The following PDE6B variants were observed in gnomAD, a reference collection of about 807,000 sequenced individuals.
PDE6B encodes phosphodiesterase 6B, also known as rod cGMP-specific 3',5'-cyclic phosphodiesterase subunit beta.
A neutral mutation model predicts 109.0 loss-of-function variants in PDE6B; 106 were observed. The ratio of observed to expected loss-of-function variants is 0.97; its 90% CI spans 0.83 to 1.14. PDE6B has a LOEUF of 1.14. PDE6B is among the 50% of genes most tolerant of loss of function. The pLI is 0.00. For missense variants in PDE6B, 1,193 were observed against 1,155.6 expected (o/e 1.03, Z -0.47); for synonymous variants, 490 against 471.3 (o/e 1.04, Z -0.51).
chr4:650,359 C>T (rs973614822), intron 3 of PDE6B, among the ~76,000 whole-genome samples: 9 of 152,242 alleles, frequency 5.9e-5, no homozygotes, highest in Non-Finnish European at 1.3e-4. Flanking sequence ...TCCGGCCCCC[C>T]CTGTCCCCAC....
Position 639,001 on chromosome 4 carries a change from T to G in PDE6B, c.711+3032T>G, listed in dbSNP as rs535654523. On this transcript the variant is annotated intron_variant, in intron 3 of 21. Transcript: ENST00000496514. ...TCCCTCCAGGGTCCCAGGGAAAAGC[T>G]GGCCTGGGGTAGCTCCTAGCTCTTC... Among the ~76,000 whole-genome samples the G allele has an allele frequency of 3.3e-5, 5 of 152,324 alleles. No homozygotes were observed. In the South Asian group the frequency reaches 6.2e-4, roughly 19 times the overall value.
In PDE6B at chr4:626,214, T is replaced by A; in HGVS notation, c.468+120T>A. 1 of 689,202 alleles carries A rather than the reference T, an allele frequency of 1.5e-6. No individual in the cohort carries two copies. The highest frequency in any genetic ancestry group is 2.6e-6 in the Non-Finnish European group (1 of 389,258). 42.7% of individuals were successfully genotyped at this position (689,202 alleles called of 1,614,324 possible). On this transcript the variant is annotated intron_variant, in intron 1 of 21. Transcript: ENST00000496514. The surrounding 1 kb of genome is among the most constrained non-coding windows in gnomAD (Gnocchi z 4.6). ...GGAGGCCTCTTGTCAGGGCACAGGC[T>A]AGTTCTGTGCTGAGGAGCAAGTACC...
chr4:637,693 G>A (rs559231179), intron 3 of PDE6B, among the ~76,000 whole-genome samples: 4 of 152,314 alleles, frequency 2.6e-5, no homozygotes, highest in African/African-American at 7.2e-5. Flanking sequence ...AGGCCCTCTC[G>A]TCCGGCACAG....
intron 3 of PDE6B, 88 bp from the exon 4 acceptor site, chr4:653,764 C>T: frequency 6.9e-7 from 1 of 1,440,978 alleles, no homozygotes; most frequent in Non-Finnish European, 9.7e-7. Context: ...GCACCTGTGT[C>T]AGGCTTGAGT....
intron 16 of PDE6B, 111 bp from the exon 17 acceptor site, chr4:664,003 C>A: frequency 8.9e-7 from 1 of 1,127,784 alleles, no homozygotes; most frequent in Non-Finnish European, 1.3e-6. Flanking sequence ...GCCGGCCCCG[C>A]GCACCCCGGA....
At chr4:667,107 T>A (rs141012587) in intron 20 of PDE6B, among the ~76,000 whole-genome samples, 77 of 152,314 alleles carry the variant, frequency 5.1e-4, no homozygotes, top group African/African-American at 1.7e-3. Flanking sequence ...CGATGCCAGC[T>A]GAGTCTCTGA....
chr4:669,364 A>C (rs1354934763), intron 21 of PDE6B, among the ~76,000 whole-genome samples: 1 of 60,996 alleles, frequency 1.6e-5, no homozygotes, highest in Non-Finnish European at 3.0e-5. Flanking sequence ...TATTCCCACT[A>C]CCCCATGCTA....
chr4:663,635 TA>T lies in PDE6B; in HGVS notation c.1921-134del, dbSNP rs1280044378. 11 of 712,750 alleles carry T rather than the reference TA, an allele frequency of 1.5e-5. No individual in the cohort carries two copies. The highest frequency in any genetic ancestry group is 6.1e-5 in the Admixed American group (3 of 49,120). 44.2% of individuals were successfully genotyped at this position (712,750 alleles called of 1,614,324 possible). On this transcript the variant is annotated intron_variant, in intron 15 of 21. Transcript: ENST00000496514. This position sits in a 1 kb window ranked among gnomAD's most constrained non-coding sequence, Gnocchi z 4.0. Reference sequence around the variant, plus strand: ...GGAGGGCCCTGAGCAGCAGGCGGATTAGGGGTCCCGCCCACCGAGGGCCCGA... The same window carrying T: ...GGAGGGCCCTGAGCAGCAGGCGGATTGGGGTCCCGCCCACCGAGGGCCCGA...
At chr4:629,986 A>G (rs1433938293) in intron 1 of PDE6B, among the ~76,000 whole-genome samples, 1 of 151,998 alleles carries the variant, frequency 6.6e-6, no homozygotes, top group Non-Finnish European at 1.5e-5. Flanking sequence ...GGCATGTCTG[A>G]CCAGGAGCCT....
At chr4:653,664 C>A in intron 3 of PDE6B, 188 bp from the exon 4 acceptor site, 1 of 695,838 alleles carries the variant, frequency 1.4e-6, no homozygotes, top group Non-Finnish European at 2.5e-6. Context: ...GCTCCCGGGC[C>A]CCACAAGCTC....
At chr4:647,846 G>A (rs550387042) in intron 3 of PDE6B, among the ~76,000 whole-genome samples, 8 of 152,154 alleles carry the variant, frequency 5.3e-5, no homozygotes, top group African/African-American at 1.2e-4. Context: ...GCTGAGGCGC[G>A]CAGATCACCT....
chr4:644,052 G>A (rs1427461825), intron 3 of PDE6B, among the ~76,000 whole-genome samples: 1 of 150,346 alleles, frequency 6.7e-6, no homozygotes, highest in Non-Finnish European at 1.5e-5. Flanking sequence ...CCGAGTAGCT[G>A]GAACTACAGA....
In PDE6B at chr4:666,727, G is replaced by T. The variant is rs2109278291; in HGVS notation, c.2352+113G>T. 1.3e-6 allele frequency: 1 copy of T among 743,034 alleles called. No individual in the cohort carries two copies. The highest frequency in any genetic ancestry group is 1.4e-5 in the South Asian group (1 of 70,134). The allele number at this position is 743,034 out of a possible 1,614,324, so 46.0% of individuals were successfully genotyped here. A position where few individuals can be genotyped will look rare whatever the true frequency, so the allele number is the denominator to read the frequency against. ...CACGGGCCCGGCGGTGTCCTCACTG[G>T]AGTAGGGATGCCAGTGCCAGCTTCG... is the stretch of plus-strand genomic sequence containing the variant. On this transcript the variant is annotated intron_variant, in intron 20 of 21. Transcript: ENST00000496514. The surrounding 1 kb of genome is among the most constrained non-coding windows in gnomAD (Gnocchi z 5.6).
chr4:643,007 T>C (rs1048654185), intron 3 of PDE6B, among the ~76,000 whole-genome samples: 2 of 152,104 alleles, frequency 1.3e-5, no homozygotes, highest in African/African-American at 4.8e-5. Flanking sequence ...CCATGTTTTG[T>C]TAAGAATTTT....
chr4:650,861 G>A (rs562279344), intron 3 of PDE6B, among the ~76,000 whole-genome samples: 5 of 152,340 alleles, frequency 3.3e-5, no homozygotes, highest in East Asian at 3.9e-4. Context: ...CCCGCCACAC[G>A]CTGAAGACGC....
chr4:629,401 G>A (rs1052240214), intron 1 of PDE6B, among the ~76,000 whole-genome samples: 5 of 152,224 alleles, frequency 3.3e-5, no homozygotes, highest in African/African-American at 9.6e-5. Context: ...ACCAAGTGGC[G>A]GGGCAGGACT....
chr4:629,736 G>A (rs1734290210), intron 1 of PDE6B, among the ~76,000 whole-genome samples: 2 of 152,240 alleles, frequency 1.3e-5, no homozygotes, highest in African/African-American at 4.8e-5. Flanking sequence ...ATAGAGGGAG[G>A]AGGGTGGCAG....
rs1006382189 is a variant in PDE6B at position 648,518 on chromosome 4, G to A, written c.712-5334G>A. 6.6e-6 allele frequency among the ~76,000 whole-genome samples: 1 copy of A among 152,182 alleles called. No homozygotes were observed. Among genetic ancestry groups the A allele is most frequent in the African/African-American group, 2.4e-5 (1 of 41,450 alleles). ...ACTGGGATTGAAGCAGCCTCTGGGCGCTCCCCCCTCCCTCTGTCCCGGGCC... is the reference window on the plus strand; with the variant it reads ...ACTGGGATTGAAGCAGCCTCTGGGCACTCCCCCCTCCCTCTGTCCCGGGCC... On this transcript the variant is annotated intron_variant, in intron 3 of 21. Coordinates refer to ENST00000496514, the MANE Select transcript of PDE6B (RefSeq NM_000283.4). This position sits in a 1 kb window ranked among gnomAD's most constrained non-coding sequence, Gnocchi z 4.5.
rs1213789558 is a variant in PDE6B at position 666,943 on chromosome 4, T to G, written c.2352+329T>G. 6.6e-6 allele frequency among the ~76,000 whole-genome samples: 1 copy of G among 152,160 alleles called. No individual in the cohort carries two copies. Among genetic ancestry groups the G allele is most frequent in the African/African-American group, 2.4e-5 (1 of 41,444 alleles). On this transcript the variant is annotated intron_variant, in intron 20 of 21. Transcript: ENST00000496514. This position sits in a 1 kb window ranked among gnomAD's most constrained non-coding sequence, Gnocchi z 5.6. Reference sequence around the variant, plus strand: ...GCCCTCCGCCGTGGCCAGCACACTGTTTTGGGGGCCTTGGCTGCAGCTCTG... The same window carrying G: ...GCCCTCCGCCGTGGCCAGCACACTGGTTTGGGGGCCTTGGCTGCAGCTCTG...
Sources: gnomAD v4.1 joint callset for allele counts (sites outside exome capture counted in the v4.1 genomes callset) on GRCh38, gnomAD v4.1.1 for gene constraint, Gnocchi (gnomAD v3.1) non-coding constraint, MANE v1.5 for transcripts, NCBI Gene and HGNC (gene_info 2026-07-23, HGNC 2026-07-21) for gene names.